AUTS2: variants seen among roughly 807,000 people sequenced by gnomAD.
AUTS2 encodes the protein autism susceptibility gene 2 protein.
A neutral mutation model predicts 112.4 loss-of-function variants in AUTS2; 17 were observed. The ratio of observed to expected loss-of-function variants is 0.15; its 90% CI spans 0.10 to 0.23. The LOEUF (loss-of-function observed/expected upper bound fraction) is 0.23. AUTS2 is among the 10% of genes least tolerant of loss of function. The probability of loss-of-function intolerance (pLI) is 1.00; values close to 1 mark genes in which losing one functional copy is unlikely to be tolerated. For synonymous variants in AUTS2, 751 were observed against 702.7 expected, an observed-to-expected ratio of 1.07 and a Z score of -1.09; for missense variants, 1,510 against 1,701.6, an observed-to-expected ratio of 0.89 and a Z score of 1.98.
chr7:70,448,265 A>C (rs1796397461), intron 5 of AUTS2, among the ~76,000 whole-genome samples: 1 of 152,182 alleles, frequency 6.6e-6, no homozygotes, highest in African/African-American at 2.4e-5. Context: ...CATTCTTACC[A>C]TCACCTGTGT....
chr7:69,841,745 G>A lies in AUTS2; in HGVS notation c.310-57541G>A, dbSNP rs563548940. 8.7e-4 allele frequency among the ~76,000 whole-genome samples: 132 copies of A among 152,274 alleles called. 1 individual carries two copies. The highest frequency in any genetic ancestry group is 1.6e-3 in the Non-Finnish European group (106 of 68,016). On this transcript the variant is annotated intron_variant, in intron 1 of 18. Coordinates refer to ENST00000342771, the MANE Select transcript of AUTS2 (RefSeq NM_015570.4). ...CAGTGTACAAATCTTGATGGGATCT[G>A]GCTTAAAAATTATAACTGCTGTAAA...
chr7:70,355,821 A>T (rs1440682786), intron 4 of AUTS2, among the ~76,000 whole-genome samples: 1 of 152,208 alleles, frequency 6.6e-6, no homozygotes, highest in East Asian at 1.9e-4. Context: ...CCAAGTTTAG[A>T]CAGGCTGTAA....
chr7:70,727,499 A>G (rs985595832), intron 6 of AUTS2, among the ~76,000 whole-genome samples: 12 of 152,100 alleles, frequency 7.9e-5, no homozygotes, highest in Non-Finnish European at 1.8e-4. Flanking sequence ...ACAGGCATGC[A>G]TCACCACACC....
At chr7:70,009,506 C>T (rs2129554033) in intron 2 of AUTS2, among the ~76,000 whole-genome samples, 1 of 152,250 alleles carries the variant, frequency 6.6e-6, no homozygotes, top group African/African-American at 2.4e-5. Flanking sequence ...TTGCAGCAAG[C>T]CTTAGTAGTG....
chr7:70,196,984 G>C (rs1810209080), intron 4 of AUTS2, among the ~76,000 whole-genome samples: 1 of 152,178 alleles, frequency 6.6e-6, no homozygotes. Flanking sequence ...AGAAGAAAGA[G>C]AAATAGCATT....
chr7:70,605,546 C>CTCTTTT (rs1554440368), intron 5 of AUTS2, among the ~76,000 whole-genome samples: 36 of 70,682 alleles, frequency 5.1e-4, no homozygotes, highest in African/African-American at 2.2e-3. Context: ...CCTTCTTTCT[C>CTCTTTT]TTTTTTTTTT....
intron 1 of AUTS2, among the ~76,000 whole-genome samples, chr7:69,842,035 T>C (rs1792003815): frequency 6.6e-6 from 1 of 152,138 alleles, no homozygotes; most frequent in Non-Finnish European, 1.5e-5. Flanking sequence ...TGGGTGTTTG[T>C]TTTATATTTA....
At chr7:70,390,042 T>C (rs976424943) in intron 4 of AUTS2, among the ~76,000 whole-genome samples, 1 of 152,214 alleles carries the variant, frequency 6.6e-6, no homozygotes, top group Non-Finnish European at 1.5e-5. Context: ...TAAGAGAGGA[T>C]ATGTGCTTTC....
At chr7:69,700,065 C>T (rs1017896601) in intron 1 of AUTS2, among the ~76,000 whole-genome samples, 3 of 152,160 alleles carry the variant, frequency 2.0e-5, no homozygotes, top group East Asian at 1.9e-4. Context: ...CTGTAGAGGT[C>T]GTACTAATTT....
chr7:70,720,134 T>C (rs1810584639), intron 6 of AUTS2, among the ~76,000 whole-genome samples: 1 of 152,140 alleles, frequency 6.6e-6, no homozygotes. Flanking sequence ...GAATCGTTAC[T>C]CCACGGAGTT....
intron 5 of AUTS2, among the ~76,000 whole-genome samples, chr7:70,558,827 A>G (rs1801357434): frequency 6.6e-6 from 1 of 152,228 alleles, no homozygotes; most frequent in Non-Finnish European, 1.5e-5. Context: ...GCTGTAGACA[A>G]ATATTCTTGT....
At chr7:70,627,941 T>C (rs1805035478) in intron 5 of AUTS2, among the ~76,000 whole-genome samples, 1 of 152,154 alleles carries the variant, frequency 6.6e-6, no homozygotes, top group Non-Finnish European at 1.5e-5. Flanking sequence ...GAAGGTGATA[T>C]TAAAACCAAG....
intron 4 of AUTS2, among the ~76,000 whole-genome samples, chr7:70,144,757 C>T (rs2129575699): frequency 6.6e-6 from 1 of 152,170 alleles, no homozygotes; most frequent in Non-Finnish European, 1.5e-5. Flanking sequence ...CCTTGCTCAT[C>T]CTGGATCCTG....
rs547791817 is a variant in AUTS2 at position 70,786,390 on chromosome 7, A to G, written c.2308+352A>G. Among the ~76,000 whole-genome samples, 5 of 151,892 alleles carry G rather than the reference A, an allele frequency of 3.3e-5. No individual in the cohort carries two copies. In the South Asian group the frequency reaches 6.2e-4, roughly 19 times the overall value. ...GAAAGCAATAGTTACAGCAATTGTT[A>G]CATTTCATCTTGCCCGTGGCATTCG... On this transcript the variant is annotated intron_variant, in intron 17 of 18. Transcript: ENST00000342771.
At chr7:70,483,002 G>A (rs556190938) in intron 5 of AUTS2, among the ~76,000 whole-genome samples, 2 of 152,288 alleles carry the variant, frequency 1.3e-5, no homozygotes, top group African/African-American at 4.8e-5. Context: ...TTTCTATTGA[G>A]TTTTTTATAT....
At chr7:70,672,530 G>A (rs1807697278) in intron 5 of AUTS2, among the ~76,000 whole-genome samples, 1 of 152,178 alleles carries the variant, frequency 6.6e-6, no homozygotes, top group East Asian at 1.9e-4. Flanking sequence ...CTCTTTGGGT[G>A]GAACAGCTCC....
At chr7:70,721,918 C>T (rs1786703844) in intron 6 of AUTS2, among the ~76,000 whole-genome samples, 1 of 152,146 alleles carries the variant, frequency 6.6e-6, no homozygotes, top group Non-Finnish European at 1.5e-5. Context: ...TGCATAATCT[C>T]ATACCATTAT....
intron 4 of AUTS2, among the ~76,000 whole-genome samples, chr7:70,156,276 G>A (rs919769453): frequency 6.6e-6 from 1 of 152,248 alleles, no homozygotes; most frequent in South Asian, 2.1e-4. Flanking sequence ...TGCAGCTGGC[G>A]GTGCCACCTG....
At chr7:69,781,619 G>A (rs1012841632) in intron 1 of AUTS2, among the ~76,000 whole-genome samples, 13 of 152,236 alleles carry the variant, frequency 8.5e-5, no homozygotes, top group African/African-American at 2.9e-4. Flanking sequence ...ATACTGCACC[G>A]AATTGACAGG....
Sources: gnomAD v4.1 joint callset for allele counts (sites outside exome capture counted in the v4.1 genomes callset) on GRCh38, gnomAD v4.1.1 for gene constraint, MANE v1.5 for transcripts, NCBI Gene and HGNC (gene_info 2026-07-23, HGNC 2026-07-21) for gene names.